Variants in TLR3 observed in about 807,000 individuals in gnomAD.
TLR3 encodes the protein toll-like receptor 3.
TLR3 carries 43 observed loss-of-function variants against 66.4 expected under a neutral mutation model. That is an observed-to-expected ratio of 0.65 (90% CI 0.51 to 0.83). The LOEUF is 0.83. Among genes scored for constraint, TLR3 ranks in the 40% least tolerant of loss-of-function variants. The pLI, the probability that TLR3 is intolerant of heterozygous loss-of-function variation, is 0.00. For missense variants in TLR3, 982 were observed against 1,044.6 expected (o/e 0.94, Z 0.83); for synonymous variants, 397 against 397.2 (o/e 1.00, Z 0.01).
At position 186,087,596 on chromosome 4, in the gene TLR3, C is replaced by A. The variant is rs970716758; in HGVS notation, c.*2723C>A. ...AATCGACACTGAGTTTAAAATAAAT[C>A]TTGGTATTTAGGTTGTACCTAAAAA... On this transcript the variant is annotated 3_prime_UTR_variant, in exon 5 of 5. Coordinates refer to ENST00000296795, the MANE Select transcript of TLR3 (RefSeq NM_003265.3). 1 of 152,134 alleles carries A rather than the reference C, an allele frequency of 6.6e-6. No homozygotes were observed. The highest frequency in any genetic ancestry group is 2.4e-5 in the African/African-American group (1 of 41,420). The allele number at this position is 152,134 out of a possible 1,614,324, so 9.4% of individuals were successfully genotyped here.
intron 3 of TLR3, chr4:186,081,954 C>G: frequency 3.9e-6 from 1 of 257,172 alleles, no homozygotes; most frequent in Admixed American, 5.1e-5. Flanking sequence ...TGGCCGGGTG[C>G]AGCGGCTCAG....
At position 186,082,832 on chromosome 4, in the gene TLR3, A is replaced by T. The variant is rs764142713; in HGVS notation, c.1146A>T (p.Lys382Asn). ...TGTTCACAGGATTGATAAACCTGAA[A>T]TACTTAAGTCTATCCAACTCCTTTA... ...SNMFTGLINL[K>N]YLSLSNSFTS... is the part of the protein sequence containing the mutation. Residue 382 changes from lysine to asparagine, a missense_variant, in exon 4 of 5, where the codon AAA becomes AAT. Around this residue, in one of 3 missense-constraint regions of TLR3, gnomAD observed 666 missense variants for 709.0 expected, o/e 0.94. Coordinates refer to ENST00000296795, the MANE Select transcript of TLR3 (RefSeq NM_003265.3). 2.5e-6 allele frequency: 4 copies of T among 1,614,004 alleles called. No homozygotes were observed. The highest frequency in any genetic ancestry group is 2.2e-5 in the South Asian group (2 of 91,050).
At chr4:186,070,732 C>A (rs991752425) in intron 1 of TLR3, among the ~76,000 whole-genome samples, 1 of 152,006 alleles carries the variant, frequency 6.6e-6, no homozygotes, top group Non-Finnish European at 1.5e-5. Flanking sequence ...GAGGTAAGGT[C>A]TTGCTCTGTT....
At chr4:186,077,776 A>G (rs940727999) in intron 2 of TLR3, among the ~76,000 whole-genome samples, 1 of 152,168 alleles carries the variant, frequency 6.6e-6, no homozygotes, top group Non-Finnish European at 1.5e-5. Flanking sequence ...AGCTTTTAAA[A>G]AATACACAAT....
chr4:186,083,177 C>T lies in TLR3; in HGVS notation c.1491C>T (p.Ser497=), dbSNP rs748439037. ...GGGTGGCCCTTAAAAATGTGGATAG[C>T]TCTCCTTCACCATTCCAGCCTCTTC... ...LRRVALKNVD[S]SPSPFQPLRN... The change falls in exon 4 of 5, where the codon AGC becomes AGT. Residue 497 remains serine (S), a synonymous_variant. Transcript: ENST00000296795. This position sits in a 1 kb window ranked among gnomAD's most constrained non-coding sequence, Gnocchi z 4.0. The T allele has an allele frequency of 3.1e-6, 5 of 1,614,068 alleles. No individual in the cohort carries two copies. In the African/African-American group the frequency reaches 4.0e-5, roughly 13 times the overall value.
At chr4:186,071,470 C>A (rs556836429) in intron 1 of TLR3, among the ~76,000 whole-genome samples, 1 of 152,312 alleles carries the variant, frequency 6.6e-6, no homozygotes, top group Admixed American at 6.5e-5. Flanking sequence ...AGAGAGGGGG[C>A]AGGTGGGGAG....
chr4:186,082,934 G>C lies in TLR3; in HGVS notation c.1248G>C (p.Lys416Asn). 1 of 1,614,124 alleles carries C rather than the reference G, an allele frequency of 6.2e-7. No individual in the cohort carries two copies. The highest frequency in any genetic ancestry group is 1.3e-5 in the African/African-American group (1 of 75,008). ...HSPLHILNLT[K>N]NKISKIESDA... Reference sequence around the variant, plus strand: ...CCTTACACATACTCAACCTAACCAAGAATAAAATCTCAAAAATAGAGAGTG... The same window carrying C: ...CCTTACACATACTCAACCTAACCAACAATAAAATCTCAAAAATAGAGAGTG... The change falls in exon 4 of 5, where the codon AAG becomes AAC. Residue 416 changes from lysine (K) to asparagine (N), a missense_variant. This residue lies in a region of TLR3 where 666 missense variants were observed against 709.0 expected (regional missense o/e 0.94). Transcript: ENST00000296795.
chr4:186,083,744 C>G lies in TLR3; in HGVS notation c.2058C>G (p.Phe686Leu), dbSNP rs1189772316. Residue 686 changes from phenylalanine to leucine, a missense_variant, in exon 4 of 5, where the codon TTC becomes TTG. Transcript: ENST00000296795. This position sits in a 1 kb window ranked among gnomAD's most constrained non-coding sequence, Gnocchi z 4.0. ...ACACTCCACCTCACTATCATGGGTT[C>G]CCAGTGAGACTTTTTGATACATCAT... ...LCNTPPHYHGFPVRLFDTSSC... is the reference protein window; with the variant it reads ...LCNTPPHYHGLPVRLFDTSSC... 2 of 1,613,492 alleles carry G rather than the reference C, an allele frequency of 1.2e-6. No individual in the cohort carries two copies. Among genetic ancestry groups the G allele is most frequent in the Non-Finnish European group, 8.5e-7 (1 of 1,179,774 alleles).
intron 1 of TLR3, among the ~76,000 whole-genome samples, chr4:186,070,374 T>C (rs1193272831): frequency 6.8e-6 from 1 of 146,624 alleles, no homozygotes; most frequent in African/African-American, 2.4e-5. Context: ...TATTTTATTT[T>C]ATTTCATTTT....
rs777430960 is a variant in TLR3, at chr4:186,084,112, G to C, written c.2426G>C (p.Arg809Thr). 1 of 1,613,930 alleles carries C rather than the reference G, an allele frequency of 6.2e-7. No individual in the cohort carries two copies. Among genetic ancestry groups the C allele is most frequent in the Admixed American group, 1.7e-5 (1 of 59,962 alleles). Residue 809 changes from arginine (R) to threonine (T), a missense_variant, in exon 4 of 5, where the codon AGA (arginine) becomes ACA (threonine). Coordinates refer to ENST00000296795, the MANE Select transcript of TLR3 (RefSeq NM_003265.3). ...GAAGCAATTGTTAACAGCATCAAAA[G>C]AAGCAGAAAAATTATTTTTGTTATA... Reference protein sequence around the residue: ...ELEAIVNSIKRSRKIIFVITH... With the variant: ...ELEAIVNSIKTSRKIIFVITH...
chr4:186,071,845 C>T (rs1289428835), intron 1 of TLR3, among the ~76,000 whole-genome samples: 17 of 152,218 alleles, frequency 1.1e-4, no homozygotes, highest in Admixed American at 1.1e-3. Flanking sequence ...GAATAATTTT[C>T]ATGTCATGAC....
At chr4:186,084,592 C>A in intron 4 of TLR3, 53 bp from the exon 5 acceptor site, 1 of 1,210,316 alleles carries the variant, frequency 8.3e-7, no homozygotes, top group Non-Finnish European at 1.2e-6. Context: ...AATAGTATTG[C>A]TTCTGGCTGT....
intron 1 of TLR3, among the ~76,000 whole-genome samples, chr4:186,070,566 T>G (rs1308136632): frequency 6.6e-6 from 1 of 151,886 alleles, no homozygotes; most frequent in East Asian, 1.9e-4. Context: ...AAAAAAAATT[T>G]TGGTGGAGAT....
rs199658443 is a variant in TLR3, at chr4:186,083,203, G to T, written c.1517G>T (p.Arg506Leu). Residue 506 changes from arginine (R) to leucine (L), a missense_variant, in exon 4 of 5, where the codon CGT (arginine) becomes CTT (leucine). Arg to Leu is a moderately radical substitution (Grantham distance 102). This residue lies in a region of TLR3 where 666 missense variants were observed against 709.0 expected (regional missense o/e 0.94). Coordinates refer to ENST00000296795, the MANE Select transcript of TLR3 (RefSeq NM_003265.3). The surrounding 1 kb of genome is among the most constrained non-coding windows in gnomAD (Gnocchi z 4.0). Reference protein sequence around the residue: ...DSSPSPFQPLRNLTILDLSNN... With the variant: ...DSSPSPFQPLLNLTILDLSNN... ...TCTCCTTCACCATTCCAGCCTCTTC[G>T]TAACTTGACCATTCTGGATCTAAGC... 1.2e-6 allele frequency: 2 copies of T among 1,614,162 alleles called. No homozygotes were observed. The highest frequency in any genetic ancestry group is 2.2e-5 in the East Asian group (1 of 44,886).
At chr4:186,076,554 C>A (rs533004623) in intron 1 of TLR3, 59 bp from the exon 2 acceptor site, 2 of 1,490,840 alleles carry the variant, frequency 1.3e-6, no homozygotes, top group Non-Finnish European at 1.9e-6. Flanking sequence ...TATACCAATG[C>A]ATTTGAAAGC....
chr4:186,070,283 A>G (rs1472079240), intron 1 of TLR3, among the ~76,000 whole-genome samples: 1 of 152,200 alleles, frequency 6.6e-6, no homozygotes, highest in Non-Finnish European at 1.5e-5. Context: ...CTATAAACTT[A>G]CTGAATTTTT....
In TLR3 at chr4:186,083,737, A is replaced by G. The variant is rs1254995294; in HGVS notation, c.2051A>G (p.His684Arg). ...HYLCNTPPHY[H>R]GFPVRLFDTS... is the part of the protein sequence containing the mutation. Reference sequence around the variant, plus strand: ...CTTTGCAACACTCCACCTCACTATCATGGGTTCCCAGTGAGACTTTTTGAT... The same window carrying G: ...CTTTGCAACACTCCACCTCACTATCGTGGGTTCCCAGTGAGACTTTTTGAT... Residue 684 changes from histidine (H) to arginine (R), a missense_variant, in exon 4 of 5, where the codon CAT becomes CGT. Physicochemically the swap from His to Arg is conservative, Grantham distance 29. Around this residue, in one of 3 missense-constraint regions of TLR3, gnomAD observed 666 missense variants for 709.0 expected, o/e 0.94. Transcript: ENST00000296795. The surrounding 1 kb of genome is among the most constrained non-coding windows in gnomAD (Gnocchi z 4.0). The G allele has an allele frequency of 9.3e-6, 15 of 1,613,150 alleles. No individual in the cohort carries two copies. Among genetic ancestry groups the G allele is most frequent in the Admixed American group, 5.0e-5 (3 of 59,914 alleles).
rs1561372206 is a variant in TLR3 at position 186,082,933 on chromosome 4, A to C, written c.1247A>C (p.Lys416Thr). Residue 416 changes from lysine to threonine, a missense_variant, in exon 4 of 5, where the codon AAG becomes ACG. Around this residue, in one of 3 missense-constraint regions of TLR3, gnomAD observed 666 missense variants for 709.0 expected, o/e 0.94. Coordinates refer to ENST00000296795, the MANE Select transcript of TLR3 (RefSeq NM_003265.3). ...HSPLHILNLT[K>T]NKISKIESDA... The stretch of plus-strand genomic sequence containing the variant: ...CCCTTACACATACTCAACCTAACCA[A>C]GAATAAAATCTCAAAAATAGAGAGT... The C allele has an allele frequency of 1.2e-6, 2 of 1,614,208 alleles. No homozygotes were observed. The highest frequency in any genetic ancestry group is 1.1e-5 in the South Asian group (1 of 91,090).
chr4:186,077,647 TAGAG>T (rs2099302683), intron 2 of TLR3, among the ~76,000 whole-genome samples: 1 of 152,162 alleles, frequency 6.6e-6, no homozygotes, highest in Admixed American at 6.5e-5. Flanking sequence ...ATTTATGAGA[TAGAG>T]AATGATTTTT....
Sources: gnomAD v4.1 joint callset for allele counts (sites outside exome capture counted in the v4.1 genomes callset) on GRCh38, gnomAD v4.1.1 for gene constraint, gnomAD v4.1.1 regional missense constraint, Gnocchi (gnomAD v3.1) non-coding constraint, MANE v1.5 for transcripts, NCBI Gene and HGNC (gene_info 2026-07-23, HGNC 2026-07-21) for gene names.